The following ALG8 variants were observed in gnomAD, a reference collection of about 807,000 sequenced individuals.
ALG8 encodes ALG8 alpha-1,3-glucosyltransferase.
In ALG8, 48 loss-of-function variants were observed where a neutral mutation model predicts 70.2. The ratio of observed to expected loss-of-function variants is 0.68; its 90% CI spans 0.54 to 0.87. The LOEUF (loss-of-function observed/expected upper bound fraction) is 0.87, where lower values mean the gene tolerates loss of function less well. Among genes scored for constraint, ALG8 ranks in the 40% least tolerant of loss-of-function variants. ALG8 has a pLI of 0.00. For synonymous variants in ALG8, 234 were observed against 229.0 expected (o/e 1.02, Z -0.20); for missense variants, 572 against 608.7 (o/e 0.94, Z 0.64).
intron 7 of ALG8, among the ~76,000 whole-genome samples, chr11:78,113,451 G>A (rs972219314): frequency 1.3e-5 from 2 of 152,098 alleles, no homozygotes; most frequent in Admixed American, 6.6e-5. Flanking sequence ...GGTGGCTCAT[G>A]CCTTTAATCC....
chr11:78,132,743 A>G (rs1001138516), intron 1 of ALG8, among the ~76,000 whole-genome samples: 1 of 151,640 alleles, frequency 6.6e-6, no homozygotes, highest in African/African-American at 2.4e-5. Flanking sequence ...GCCTCCAATG[A>G]TGTCAGTTCC....
At chr11:78,123,980 T>G in intron 3 of ALG8, 41 bp downstream of exon 3, 6 of 1,607,418 alleles carry the variant, frequency 3.7e-6, no homozygotes, top group Non-Finnish European at 4.3e-6. Flanking sequence ...TGTACTATTT[T>G]TTCAATACCT....
intron 8 of ALG8, among the ~76,000 whole-genome samples, chr11:78,109,961 G>A (rs590981): frequency 0.18 from 26,791 of 152,098 alleles, 2,849 homozygotes; most frequent in Middle Eastern, 0.29. Flanking sequence ...ATAGTATCCA[G>A]TGTCTTCCAT....
chr11:78,114,126 C>T lies in ALG8; in HGVS notation c.674-137G>A, dbSNP rs747131228. On this transcript the variant is annotated intron_variant, in intron 6 of 12. Coordinates refer to ENST00000299626, the MANE Select transcript of ALG8 (RefSeq NM_024079.5). ...ATGATGTGGCAAGAGCAGAGAAAAG[C>T]GAGAATGGGTAAAGGGCTTACAGGA... 827 of 1,404,920 alleles carry T rather than the reference C, an allele frequency of 5.9e-4. 1 individual carries two copies. Among genetic ancestry groups the T allele is most frequent in the Non-Finnish European group, 7.6e-4 (766 of 1,012,226 alleles). 87.0% of individuals were successfully genotyped at this position (1,404,920 alleles called of 1,614,324 possible). A position where few individuals can be genotyped will look rare whatever the true frequency, so the allele number is the denominator to read the frequency against.
intron 1 of ALG8, among the ~76,000 whole-genome samples, chr11:78,134,470 A>G (rs1266976724): frequency 1.3e-5 from 2 of 152,190 alleles, no homozygotes; most frequent in African/African-American, 2.4e-5. Context: ...TAAAACAACA[A>G]TGAAGCTTGC....
Position 78,119,553 on chromosome 11 carries a change from C to T in ALG8, c.479-304G>A, listed in dbSNP as rs139548337. On this transcript the variant is annotated intron_variant, in intron 4 of 12. Coordinates refer to ENST00000299626, the MANE Select transcript of ALG8 (RefSeq NM_024079.5). ...AAGCGATTCTCCTGCTTCAGCCTCC[C>T]GAGTAGCTGGGACTACAGGCACATA... Among the ~76,000 whole-genome samples, 4,728 of 151,602 alleles carry T rather than the reference C, an allele frequency of 0.031. 255 individuals carry two copies. Among genetic ancestry groups the T allele is most frequent in the African/African-American group, 0.11 (4,475 of 41,272 alleles).
At chr11:78,104,285 G>T in intron 11 of ALG8, 71 bp downstream of exon 11, 3 of 1,326,684 alleles carry the variant, frequency 2.3e-6, no homozygotes, top group Non-Finnish European at 3.1e-6. Context: ...TAAATTAGAT[G>T]TATTAATCTG....
chr11:78,114,657 A>G (rs1373526517), intron 5 of ALG8: 7 of 492,976 alleles, frequency 1.4e-5, no homozygotes, highest in African/African-American at 1.4e-4. Flanking sequence ...TTATCCTACA[A>G]AAAGGTTATT....
chr11:78,137,855 C>T (rs766427615), intron 1 of ALG8, among the ~76,000 whole-genome samples: 38 of 152,092 alleles, frequency 2.5e-4, no homozygotes, highest in Non-Finnish European at 4.3e-4. Flanking sequence ...ACAAAATGAG[C>T]ACATGATGTT....
At chr11:78,102,604 T>C (rs1859841780) in intron 12 of ALG8, among the ~76,000 whole-genome samples, 1 of 152,180 alleles carries the variant, frequency 6.6e-6, no homozygotes, top group South Asian at 2.1e-4. Flanking sequence ...CATTTTAACA[T>C]AGTTAATTAT....
At chr11:78,125,872 T>C (rs1235456011) in intron 2 of ALG8, among the ~76,000 whole-genome samples, 1 of 151,820 alleles carries the variant, frequency 6.6e-6, no homozygotes, top group Non-Finnish European at 1.5e-5. Context: ...CATCAAGAAA[T>C]TTCTGGGCCG....
At chr11:78,123,440 ATTAAC>A (rs1357298028) in intron 3 of ALG8, among the ~76,000 whole-genome samples, 1 of 152,072 alleles carries the variant, frequency 6.6e-6, no homozygotes, top group Non-Finnish European at 1.5e-5. Context: ...AATACTTAAA[ATTAAC>A]TTATAAGTAA....
chr11:78,110,275 C>CCCAGGTT (rs1278402058), intron 8 of ALG8, among the ~76,000 whole-genome samples: 5 of 152,138 alleles, frequency 3.3e-5, no homozygotes, highest in African/African-American at 9.7e-5. Context: ...GCCTCTGCCT[C>CCCAGGTT]CCAGGTTCCA....
intron 1 of ALG8, 72 bp from the exon 2 acceptor site, chr11:78,127,508 C>G (rs970747042): frequency 2.3e-6 from 3 of 1,317,818 alleles, no homozygotes; most frequent in Admixed American, 1.8e-5. Context: ...CATAGTTATG[C>G]TTTTAAATGG....
At chr11:78,126,532 C>CA (rs61070879) in intron 2 of ALG8, among the ~76,000 whole-genome samples, 50,591 of 126,656 alleles carry the variant, frequency 0.4, 9,935 homozygotes, top group Non-Finnish European at 0.48. Flanking sequence ...GACTCTGTCT[C>CA]AAAAAAAAAA....
chr11:78,109,478 G>A lies in ALG8; in HGVS notation c.1002C>T (p.Pro334=), dbSNP rs1336780198. The A allele has an allele frequency of 1.2e-6, 2 of 1,614,166 alleles. No homozygotes were observed. Among genetic ancestry groups the A allele is most frequent in the Admixed American group, 1.7e-5 (1 of 60,020 alleles). ...FQHTVLPSVT[P]LATLICTLIA... The stretch of plus-strand genomic sequence containing the variant: ...TCAGTGTGCAGATGAGGGTTGCCAA[G>A]GGAGTCACTGAGGGAAGGACTGTGT... The change falls in exon 9 of 13, where the codon CCC becomes CCT. Residue 334 remains proline (P), a synonymous_variant. Transcript: ENST00000299626.
At chr11:78,104,681 T>C (rs1415056131) in intron 10 of ALG8, 1 of 456,368 alleles carries the variant, frequency 2.2e-6, no homozygotes, top group Non-Finnish European at 4.0e-6. Flanking sequence ...ATCTTGCTTC[T>C]GGCCGGGGAC....
In ALG8 at chr11:78,127,500, T is replaced by C. The variant is rs1861131258; in HGVS notation, c.96-64A>G. 34 of 1,409,012 alleles carry C rather than the reference T, an allele frequency of 2.4e-5. No individual in the cohort carries two copies. The South Asian group carries it at 3.9e-4, about 16-fold the overall frequency. The allele number at this position is 1,409,012 out of a possible 1,614,324, so 87.3% of individuals were successfully genotyped here. On this transcript the variant is annotated intron_variant, in intron 1 of 12. Coordinates refer to ENST00000299626, the MANE Select transcript of ALG8 (RefSeq NM_024079.5). ...AATATTTATCAATTTCTAATTCCCATAGTTATGCTTTTAAATGGACTGACA... is the reference window on the plus strand; with the variant it reads ...AATATTTATCAATTTCTAATTCCCACAGTTATGCTTTTAAATGGACTGACA...
intron 6 of ALG8, 118 bp from the exon 7 acceptor site, chr11:78,114,107 T>C: frequency 7.3e-7 from 1 of 1,362,162 alleles, no homozygotes; most frequent in Non-Finnish European, 1.0e-6. Flanking sequence ...ATTCATGATG[T>C]GGCAAGAGCA....
Sources: allele counts gnomAD v4.1 joint callset (sites outside exome capture counted in the v4.1 genomes callset), GRCh38; gene constraint gnomAD v4.1.1; transcripts MANE v1.5; gene names NCBI Gene and HGNC (gene_info 2026-07-23, HGNC 2026-07-21).